FAF1: variants seen among roughly 807,000 people sequenced by gnomAD.
The protein encoded by FAF1 is Fas associated factor 1, also known as FAS-associated factor 1.
In FAF1, 25 loss-of-function variants were observed where a neutral mutation model predicts 92.5. The ratio of observed to expected loss-of-function variants is 0.27; its 90% confidence interval spans 0.20 to 0.38. The LOEUF (loss-of-function observed/expected upper bound fraction) is 0.38. FAF1 is among the 10% of genes least tolerant of loss of function. The pLI is 1.00. For synonymous variants in FAF1, 234 were observed against 273.2 expected, an observed-to-expected ratio of 0.86 and a Z score of 1.42; for missense variants, 636 against 793.3, an observed-to-expected ratio of 0.80 and a Z score of 2.38.
chr1:50,610,957 T>C (rs920174606), intron 8 of FAF1, among the ~76,000 whole-genome samples: 1 of 152,218 alleles, frequency 6.6e-6, no homozygotes, highest in South Asian at 2.1e-4. Context: ...TTCAGAGAGC[T>C]ACAAAATAGG....
chr1:50,885,046 T>C (rs766185957), intron 1 of FAF1, among the ~76,000 whole-genome samples: 14 of 152,212 alleles, frequency 9.2e-5, no homozygotes, highest in Admixed American at 4.6e-4. Flanking sequence ...GATTTGTCAA[T>C]TTATTGGCAT....
intron 8 of FAF1, among the ~76,000 whole-genome samples, chr1:50,612,724 G>GA (rs893031523): frequency 6.6e-6 from 1 of 151,984 alleles, no homozygotes; most frequent in African/African-American, 2.4e-5. Flanking sequence ...TTCCTCCTAG[G>GA]AAAAAAGAGT....
intron 1 of FAF1, among the ~76,000 whole-genome samples, chr1:50,886,724 C>T (rs1176212466): frequency 1.3e-5 from 2 of 152,198 alleles, no homozygotes. Flanking sequence ...TTCTTTATGG[C>T]TGCATAGTAT....
At chr1:50,564,276 C>T (rs940246273) in intron 13 of FAF1, among the ~76,000 whole-genome samples, 6 of 134,864 alleles carry the variant, frequency 4.4e-5, no homozygotes, top group Non-Finnish European at 8.9e-5. Context: ...GCTTACAGGT[C>T]CAGGACTCTC....
chr1:50,744,661 T>A, intron 5 of FAF1, 23 bp downstream of exon 5: 2 of 1,485,620 alleles, frequency 1.3e-6, no homozygotes, highest in Non-Finnish European at 1.9e-6. Context: ...TTTCTTTTAT[T>A]TCTATGCAAT....
At chr1:50,885,324 A>ACACACACACACACACACACACACG (rs1644651416) in intron 1 of FAF1, among the ~76,000 whole-genome samples, 1 of 102,214 alleles carries the variant, frequency 9.8e-6, no homozygotes, top group Non-Finnish European at 2.1e-5. Context: ...ACACACACAC[A>ACACACACACACACACACACACACG]CTCTCTCTCT....
At chr1:50,661,175 T>C (rs185090550) in intron 7 of FAF1, among the ~76,000 whole-genome samples, 31 of 152,286 alleles carry the variant, frequency 2.0e-4, no homozygotes, top group African/African-American at 7.2e-4. Context: ...ATTATACTTT[T>C]TAAAAAACAC....
In FAF1 at chr1:50,768,859, A is replaced by G. The variant is rs150463444; in HGVS notation, c.367+19141T>C. ...AAAGACCTCAAATTAACAATCTAACATCACACATCACACCTAGAGGAACTA... is the reference window on the plus strand; with the variant it reads ...AAAGACCTCAAATTAACAATCTAACGTCACACATCACACCTAGAGGAACTA... On this transcript the variant is annotated intron_variant, in intron 4 of 18. Coordinates refer to ENST00000396153, the MANE Select transcript of FAF1 (RefSeq NM_007051.3). Among the ~76,000 whole-genome samples the G allele has an allele frequency of 3.0e-3, 451 of 152,276 alleles. 1 individual carries two copies. Among genetic ancestry groups the G allele is most frequent in the Non-Finnish European group, 5.4e-3 (365 of 67,994 alleles).
chr1:50,474,405 T>G (rs1646613110), intron 18 of FAF1, among the ~76,000 whole-genome samples: 1 of 152,164 alleles, frequency 6.6e-6, no homozygotes, highest in South Asian at 2.1e-4. Flanking sequence ...CAGGGGTAGT[T>G]TGTTTTTTTT....
chr1:50,639,073 A>G (rs1654198568), intron 8 of FAF1, among the ~76,000 whole-genome samples: 1 of 152,236 alleles, frequency 6.6e-6, no homozygotes, highest in African/African-American at 2.4e-5. Context: ...GGAATCACAC[A>G]GTGATGTAGT....
At chr1:50,756,389 C>G (rs897837131) in intron 4 of FAF1, among the ~76,000 whole-genome samples, 6 of 146,708 alleles carry the variant, frequency 4.1e-5, no homozygotes, top group Admixed American at 4.0e-4. Context: ...CCATCTAAGA[C>G]CACCTAAGCC....
chr1:50,525,959 TACTC>T (rs887056801), intron 15 of FAF1, among the ~76,000 whole-genome samples: 9 of 152,338 alleles, frequency 5.9e-5, no homozygotes, highest in African/African-American at 1.7e-4. Flanking sequence ...GAGTACATGA[TACTC>T]ACCCAGATGC....
chr1:50,484,753 G>A (rs1184728289), intron 17 of FAF1, among the ~76,000 whole-genome samples: 1 of 152,132 alleles, frequency 6.6e-6, no homozygotes, highest in East Asian at 1.9e-4. Flanking sequence ...TTAATAAGTA[G>A]AATGAATACT....
intron 3 of FAF1, among the ~76,000 whole-genome samples, chr1:50,790,717 ACATCTTTC>A (rs1014591541): frequency 3.9e-5 from 6 of 152,054 alleles, no homozygotes; most frequent in Non-Finnish European, 7.4e-5. Flanking sequence ...CAGCTCTAAA[ACATCTTTC>A]CTCTCAACCT....
At chr1:50,609,505 C>A (rs117056565) in intron 8 of FAF1, among the ~76,000 whole-genome samples, 2 of 152,294 alleles carry the variant, frequency 1.3e-5, no homozygotes, top group East Asian at 3.9e-4. Flanking sequence ...CCACTTCAGC[C>A]TCCTGAGCAG....
At chr1:50,932,493 A>G (rs1645055856) in intron 1 of FAF1, among the ~76,000 whole-genome samples, 1 of 152,242 alleles carries the variant, frequency 6.6e-6, no homozygotes, top group Non-Finnish European at 1.5e-5. Context: ...TCCAGGTCTC[A>G]CATTCAGGTC....
intron 8 of FAF1, among the ~76,000 whole-genome samples, chr1:50,629,262 C>T (rs867717131): frequency 4.6e-5 from 7 of 151,534 alleles, no homozygotes; most frequent in Non-Finnish European, 4.4e-5. Context: ...CTCCGCCTCC[C>T]GCGTTCAAGT....
At chr1:50,464,614 A>G (rs1408618083) in intron 18 of FAF1, among the ~76,000 whole-genome samples, 1 of 152,238 alleles carries the variant, frequency 6.6e-6, no homozygotes, top group African/African-American at 2.4e-5. Context: ...CTTATTTTTT[A>G]AAAGGCCAGA....
chr1:50,930,632 G>A lies in FAF1; in HGVS notation c.45+29135C>T, dbSNP rs368189268. On this transcript the variant is annotated intron_variant, in intron 1 of 18. Coordinates refer to ENST00000396153, the MANE Select transcript of FAF1 (RefSeq NM_007051.3). ...GGGTGGATCACGAGGTCAGGAGATC[G>A]AGACCATCCTGGCTAACACAGTGAA... 5.1e-4 allele frequency among the ~76,000 whole-genome samples: 77 copies of A among 152,230 alleles called. 2 individuals carry two copies. In the South Asian group the frequency reaches 0.015, roughly 30 times the overall value.
Sources: gnomAD v4.1 joint callset for allele counts (sites outside exome capture counted in the v4.1 genomes callset) on GRCh38, gnomAD v4.1.1 for gene constraint, MANE v1.5 for transcripts, NCBI Gene and HGNC (gene_info 2026-07-23, HGNC 2026-07-21) for gene names.